BOLL: variants seen among roughly 807,000 people sequenced by gnomAD.
BOLL encodes boule RNA binding protein.
BOLL carries 23 observed loss-of-function variants against 44.4 expected under a neutral mutation model. The ratio of observed to expected loss-of-function variants is 0.52; its 90% CI spans 0.37 to 0.73. The LOEUF (loss-of-function observed/expected upper bound fraction) is 0.73. BOLL is among the 30% of genes least tolerant of loss of function. The probability of loss-of-function intolerance (pLI) is 0.00; values close to 1 mark genes in which losing one functional copy is unlikely to be tolerated. For synonymous variants in BOLL, 97 were observed against 110.8 expected, an observed-to-expected ratio of 0.88 and a Z score of 0.78; for missense variants, 287 against 338.3, an observed-to-expected ratio of 0.85 and a Z score of 1.19.
chr2:197,777,208 C>T (rs545874348), intron 3 of BOLL, 95 bp from the exon 4 acceptor site: 4 of 782,230 alleles, frequency 5.1e-6, no homozygotes, highest in African/African-American at 3.7e-5. Flanking sequence ...TTTAAATCAT[C>T]GGCCACTGTA....
intron 9 of BOLL, among the ~76,000 whole-genome samples, chr2:197,748,783 G>T (rs976019189): frequency 6.6e-6 from 1 of 152,218 alleles, no homozygotes; most frequent in Non-Finnish European, 1.5e-5. Flanking sequence ...AAAACACCTG[G>T]GGGAAGGGGC....
At chr2:197,731,245 G>A (rs375369553) in intron 10 of BOLL, among the ~76,000 whole-genome samples, 6 of 151,708 alleles carry the variant, frequency 4.0e-5, no homozygotes, top group Non-Finnish European at 7.4e-5. Context: ...AAAGGGATCA[G>A]TTCAACAAGA....
chr2:197,737,363 C>T (rs563776344), intron 10 of BOLL, among the ~76,000 whole-genome samples: 1 of 152,102 alleles, frequency 6.6e-6, no homozygotes, highest in African/African-American at 2.4e-5. Flanking sequence ...CCTTACTGTC[C>T]TTACATCAAA....
intron 10 of BOLL, among the ~76,000 whole-genome samples, chr2:197,735,126 A>T (rs950326196): frequency 6.6e-6 from 1 of 152,134 alleles, no homozygotes; most frequent in African/African-American, 2.4e-5. Context: ...TTATTTAAAA[A>T]AATGGATAAG....
intron 10 of BOLL, among the ~76,000 whole-genome samples, chr2:197,740,923 C>T (rs535999873): frequency 6.0e-4 from 91 of 152,212 alleles, no homozygotes; most frequent in African/African-American, 1.9e-3. Context: ...GTGATACCTC[C>T]GGCTTTGTTC....
chr2:197,727,559 TA>T lies in BOLL; in HGVS notation c.*995del, dbSNP rs1331566845. On this transcript the variant is annotated 3_prime_UTR_variant, in exon 11 of 11. Coordinates refer to ENST00000392296, the MANE Select transcript of BOLL (RefSeq NM_033030.6). ...AAAAATCGGATTTAGAATCAGAATC[TA>T]AAATTTTCCTTTGGTGTAAAAAATA... 6.6e-6 allele frequency: 1 copy of T among 152,360 alleles called. No individual in the cohort carries two copies. The highest frequency in any genetic ancestry group is 1.5e-5 in the Non-Finnish European group (1 of 68,026). 9.4% of individuals were successfully genotyped at this position (152,360 alleles called of 1,614,324 possible).
rs1326580942 is a variant in BOLL, at chr2:197,779,140, G to A, written c.130-74C>T. 16 of 1,147,816 alleles carry A rather than the reference G, an allele frequency of 1.4e-5. No individual in the cohort carries two copies. In the East Asian group the frequency reaches 3.7e-4, roughly 27 times the overall value. The allele number at this position is 1,147,816 out of a possible 1,614,324, so 71.1% of individuals were successfully genotyped here. On this transcript the variant is annotated intron_variant, in intron 2 of 10. Transcript: ENST00000392296. ...GATGAATAATTCTCATGCTTGCTCT[G>A]GAGACAGAAAAAGTTATAGATAAGA... is the stretch of plus-strand genomic sequence containing the variant.
intron 6 of BOLL, among the ~76,000 whole-genome samples, chr2:197,767,364 A>C (rs1274213412): frequency 6.6e-6 from 1 of 152,036 alleles, no homozygotes; most frequent in Non-Finnish European, 1.5e-5. Flanking sequence ...CCCGAAACTG[A>C]GGAAAAGTAT....
rs577313808 is a variant in BOLL, at chr2:197,763,640, CA to C, written c.552+2891del. Among the ~76,000 whole-genome samples the C allele has an allele frequency of 7.2e-5, 11 of 152,130 alleles. No individual in the cohort carries two copies. The East Asian group carries it at 2.1e-3, about 29-fold the overall frequency. ...AATACCAGATCTTCCCAAACTATTCCAAAAAATTGAAGCAGAGGGAATTCTC... is the reference window on the plus strand; with the variant it reads ...AATACCAGATCTTCCCAAACTATTCCAAAAATTGAAGCAGAGGGAATTCTC... On this transcript the variant is annotated intron_variant, in intron 7 of 10. Coordinates refer to ENST00000392296, the MANE Select transcript of BOLL (RefSeq NM_033030.6).
At chr2:197,745,964 T>C (rs1185160297) in intron 9 of BOLL, among the ~76,000 whole-genome samples, 1 of 152,204 alleles carries the variant, frequency 6.6e-6, no homozygotes, top group Admixed American at 6.5e-5. Flanking sequence ...AATCCTGACT[T>C]AACAGGGGAG....
At chr2:197,746,167 G>A (rs1322153935) in intron 9 of BOLL, among the ~76,000 whole-genome samples, 1 of 152,182 alleles carries the variant, frequency 6.6e-6, no homozygotes, top group Non-Finnish European at 1.5e-5. Flanking sequence ...CAAGGATGTG[G>A]AGGAAAGGGA....
At position 197,771,959 on chromosome 2, in the gene BOLL, C is replaced by T. The variant is rs755142681; in HGVS notation, c.376G>A (p.Gly126Arg). ...GTTGAAGTTGTTAGATACATTGTTC[C>T]AGCTGCTGGCATTATACTAGAACCT... is the stretch of plus-strand genomic sequence containing the variant. ...IPRSSIMPAA[G>R]TMYLTTSTGY... Residue 126 changes from glycine (G) to arginine (R), a missense_variant, in exon 6 of 11, where the codon GGA becomes AGA. Transcript: ENST00000392296. 5 of 1,585,520 alleles carry T rather than the reference C, an allele frequency of 3.2e-6. No homozygotes were observed. Among genetic ancestry groups the T allele is most frequent in the Non-Finnish European group, 4.3e-6 (5 of 1,160,330 alleles).
At chr2:197,729,630 T>G (rs1189957195) in intron 10 of BOLL, among the ~76,000 whole-genome samples, 3 of 152,244 alleles carry the variant, frequency 2.0e-5, no homozygotes, top group Non-Finnish European at 4.4e-5. Flanking sequence ...ACGGGCAGAC[T>G]GCCTCCTCAA....
At chr2:197,750,726 T>G (rs1688204092) in intron 9 of BOLL, among the ~76,000 whole-genome samples, 2 of 152,258 alleles carry the variant, frequency 1.3e-5, no homozygotes, top group South Asian at 4.1e-4. Context: ...CTGTCAATAT[T>G]AGACAGATCA....
At chr2:197,732,571 G>A (rs1687245555) in intron 10 of BOLL, among the ~76,000 whole-genome samples, 1 of 149,270 alleles carries the variant, frequency 6.7e-6, no homozygotes, top group Non-Finnish European at 1.5e-5. Flanking sequence ...ATAAAATACT[G>A]GCAAAATGAA....
intron 7 of BOLL, among the ~76,000 whole-genome samples, chr2:197,761,030 C>A (rs1688732723): frequency 6.6e-6 from 1 of 152,096 alleles, no homozygotes; most frequent in Non-Finnish European, 1.5e-5. Context: ...GAAATACGAT[C>A]TTTCACAAGG....
rs1689479734 is a variant in BOLL at position 197,775,720 on chromosome 2, C to T, written c.297G>A (p.Lys99=). The T allele has an allele frequency of 6.5e-7, 1 of 1,547,560 alleles. No homozygotes were observed. The highest frequency in any genetic ancestry group is 8.7e-7 in the Non-Finnish European group (1 of 1,145,470). Residue 99 remains lysine, a synonymous_variant, in exon 5 of 11, where the codon AAG becomes AAA. Coordinates refer to ENST00000392296, the MANE Select transcript of BOLL (RefSeq NM_033030.6). ...ILQEAEKLNY[K]DKKLNIGPAI... ...CTGGACCAATGTTCAGCTTCTTATC[C>T]TTATAATTAAGTTTTTCAGCCTAAA... is the stretch of plus-strand genomic sequence containing the variant.
intron 10 of BOLL, among the ~76,000 whole-genome samples, chr2:197,740,957 A>G (rs931005408): frequency 2.0e-5 from 3 of 152,094 alleles, no homozygotes; most frequent in Non-Finnish European, 4.4e-5. Context: ...TTGACTTGGC[A>G]ATGAGGGCTC....
intron 10 of BOLL, among the ~76,000 whole-genome samples, chr2:197,737,491 C>G (rs1687547746): frequency 6.6e-6 from 1 of 151,970 alleles, no homozygotes; most frequent in South Asian, 2.1e-4. Flanking sequence ...GAATCTGAGG[C>G]TGTCTATTGT....
Sources: gnomAD v4.1 joint callset for allele counts (sites outside exome capture counted in the v4.1 genomes callset) on GRCh38, gnomAD v4.1.1 for gene constraint, MANE v1.5 for transcripts, NCBI Gene and HGNC (gene_info 2026-07-23, HGNC 2026-07-21) for gene names.